The following IL1RAPL1 variants were observed in gnomAD, a reference collection of about 807,000 sequenced individuals.
IL1RAPL1 encodes interleukin 1 receptor accessory protein like 1.
In IL1RAPL1, 3 loss-of-function variants were observed where a neutral mutation model predicts 48.4. The ratio of observed to expected loss-of-function variants is 0.06; its 90% CI spans 0.03 to 0.16. The LOEUF is 0.16. Among genes scored for constraint, IL1RAPL1 ranks in the 10% least tolerant of loss-of-function variants. The pLI is 1.00. For missense variants in IL1RAPL1, 349 were observed against 530.6 expected, an observed-to-expected ratio of 0.66 and a Z score of 3.36; for synonymous variants, 185 against 187.7, an observed-to-expected ratio of 0.99 and a Z score of 0.12.
At chrX:28,900,548 A>T (rs756836968) in intron 2 of IL1RAPL1, among the ~76,000 whole-genome samples, 26 of 112,291 alleles carry the variant, frequency 2.3e-4, no homozygotes, top group Middle Eastern at 4.6e-3. Flanking sequence ...TTTTTTTCTA[A>T]CATTAAAATC....
At chrX:29,611,394 G>A (rs966671283) in intron 5 of IL1RAPL1, among the ~76,000 whole-genome samples, 2 of 111,835 alleles carry the variant, frequency 1.8e-5, no homozygotes, top group Non-Finnish European at 3.8e-5. Context: ...ACCAGAAAAT[G>A]TTTAAATTTA....
intron 2 of IL1RAPL1, among the ~76,000 whole-genome samples, chrX:29,022,625 G>T (rs1430278311): frequency 9.0e-6 from 1 of 111,259 alleles, no homozygotes; most frequent in Non-Finnish European, 1.9e-5. Context: ...TAAATAATGG[G>T]TGATTAGCTT....
intron 5 of IL1RAPL1, among the ~76,000 whole-genome samples, chrX:29,646,355 A>G (rs1389276178): frequency 8.9e-6 from 1 of 112,083 alleles, no homozygotes; most frequent in Non-Finnish European, 1.9e-5. Context: ...TTCATCAAGA[A>G]GAAGAATCTG....
intron 2 of IL1RAPL1, among the ~76,000 whole-genome samples, chrX:28,908,084 G>C (rs759114607): frequency 3.6e-5 from 4 of 110,887 alleles, no homozygotes; most frequent in Non-Finnish European, 7.6e-5. Flanking sequence ...TTTTGATATT[G>C]GTAATTTTTG....
At chrX:29,231,162 G>T (rs1330255246) in intron 2 of IL1RAPL1, among the ~76,000 whole-genome samples, 1 of 111,664 alleles carries the variant, frequency 9.0e-6, no homozygotes, top group East Asian at 2.8e-4. Context: ...GCTGCTCTGT[G>T]CAGTTGCTTT....
chrX:29,027,750 A>G (rs770175774), intron 2 of IL1RAPL1, among the ~76,000 whole-genome samples: 1 of 111,317 alleles, frequency 9.0e-6, no homozygotes, highest in East Asian at 2.8e-4. Context: ...GTGTAGTGCT[A>G]TCTCCTTGTT....
chrX:29,846,110 G>T (rs1349013686), intron 6 of IL1RAPL1, among the ~76,000 whole-genome samples: 2 of 111,120 alleles, frequency 1.8e-5, no homozygotes, highest in African/African-American at 6.5e-5. Flanking sequence ...TTCTTTTTGT[G>T]TCTGCATATA....
intron 2 of IL1RAPL1, among the ~76,000 whole-genome samples, chrX:28,819,985 T>TAC (rs1186737050): frequency 2.6e-5 from 2 of 75,870 alleles, no homozygotes; most frequent in South Asian, 7.2e-4. Flanking sequence ...TATATATATA[T>TAC]ATATATATAT....
intron 6 of IL1RAPL1, among the ~76,000 whole-genome samples, chrX:29,873,226 T>G (rs1409251170): frequency 1.8e-5 from 2 of 110,430 alleles, no homozygotes; most frequent in Non-Finnish European, 3.8e-5. Context: ...AAAAAAAAAA[T>G]GTAACATGTA....
chrX:29,286,728 A>G (rs1932288103), intron 3 of IL1RAPL1, among the ~76,000 whole-genome samples: 1 of 111,766 alleles, frequency 8.9e-6, no homozygotes, highest in Non-Finnish European at 1.9e-5. Flanking sequence ...ATAGTTCCGT[A>G]TTCTTGACCT....
intron 5 of IL1RAPL1, among the ~76,000 whole-genome samples, chrX:29,461,931 A>G (rs996535689): frequency 2.1e-4 from 23 of 111,987 alleles, no homozygotes; most frequent in African/African-American, 7.4e-4. Flanking sequence ...AAACTGGGTT[A>G]TTGTGATAGT....
chrX:29,049,773 A>G (rs1200149125), intron 2 of IL1RAPL1, among the ~76,000 whole-genome samples: 1 of 112,628 alleles, frequency 8.9e-6, no homozygotes, highest in Admixed American at 9.4e-5. Context: ...AATTAATTTT[A>G]GTTTTACAAA....
intron 6 of IL1RAPL1, among the ~76,000 whole-genome samples, chrX:29,748,566 C>G (rs1411360680): frequency 8.9e-6 from 1 of 112,845 alleles, no homozygotes. Context: ...TTTTTAGACT[C>G]TAAGATATAA....
At chrX:29,202,759 C>T (rs951988440) in intron 2 of IL1RAPL1, among the ~76,000 whole-genome samples, 1 of 111,764 alleles carries the variant, frequency 8.9e-6, no homozygotes, top group African/African-American at 3.3e-5. Context: ...AACACAGGAA[C>T]AGAAAACCAA....
intron 9 of IL1RAPL1, among the ~76,000 whole-genome samples, chrX:29,950,346 G>A (rs1299811699): frequency 8.9e-6 from 1 of 111,754 alleles, no homozygotes; most frequent in Admixed American, 9.5e-5. Flanking sequence ...CTAAGTATTA[G>A]GACGATCTAT....
intron 5 of IL1RAPL1, among the ~76,000 whole-genome samples, chrX:29,597,738 C>G (rs1923597538): frequency 9.0e-6 from 1 of 111,708 alleles, no homozygotes; most frequent in South Asian, 3.7e-4. Context: ...TTTGGAGTTT[C>G]TTTATCTTTC....
chrX:29,463,194 CA>C (rs66924300), intron 5 of IL1RAPL1, among the ~76,000 whole-genome samples: 2,306 of 99,160 alleles, frequency 0.023, 54 homozygotes, highest in African/African-American at 0.072. Context: ...GATGCTTTAT[CA>C]AAAAAAAAAA....
chrX:29,381,829 AAAAAATATAT>A (rs1486477724), intron 3 of IL1RAPL1, among the ~76,000 whole-genome samples: 8 of 31,734 alleles, frequency 2.5e-4, no homozygotes, highest in African/African-American at 5.5e-4. Flanking sequence ...AAAAAAAAAA[AAAAAATATAT>A]ATATATATAT....
intron 5 of IL1RAPL1, among the ~76,000 whole-genome samples, chrX:29,610,298 A>G (rs1194950298): frequency 8.9e-6 from 1 of 111,799 alleles, no homozygotes; most frequent in Non-Finnish European, 1.9e-5. Context: ...TTGAGATGGT[A>G]GGAAGTGGGA....
Sources: gnomAD v4.1 joint callset for allele counts (sites outside exome capture counted in the v4.1 genomes callset) on GRCh38, gnomAD v4.1.1 for gene constraint, MANE v1.5 for transcripts, NCBI Gene and HGNC (gene_info 2026-07-23, HGNC 2026-07-21) for gene names.